The following LMAN1 variants were observed in gnomAD, a reference collection of about 807,000 sequenced individuals.
The protein encoded by LMAN1 is lectin, mannose binding 1, also known as protein ERGIC-53.
In LMAN1, 32 loss-of-function variants were observed where a neutral mutation model predicts 67.8. That is an observed-to-expected ratio of 0.47 (90% CI 0.36 to 0.63). The LOEUF (loss-of-function observed/expected upper bound fraction) is 0.63. LMAN1 is among the 30% of genes least tolerant of loss of function. LMAN1 has a pLI of 0.00. For missense variants in LMAN1, 632 were observed against 628.2 expected (o/e 1.01, Z -0.06); for synonymous variants, 235 against 219.3 (o/e 1.07, Z -0.63).
intron 7 of LMAN1, 36 bp downstream of exon 7, chr18:59,347,477 A>G (rs370781915): frequency 9.8e-6 from 15 of 1,532,440 alleles, no homozygotes; most frequent in African/African-American, 2.7e-5. Flanking sequence ...AGGCAAACTA[A>G]ACTGATAAAG....
chr18:59,337,095 T>C (rs551595487), intron 10 of LMAN1, among the ~76,000 whole-genome samples: 54 of 150,528 alleles, frequency 3.6e-4, no homozygotes, highest in African/African-American at 1.2e-3. Flanking sequence ...GAGATAGCAA[T>C]AGGAAACCAC....
chr18:59,348,779 G>A (rs1180334504), intron 6 of LMAN1, among the ~76,000 whole-genome samples: 1 of 152,198 alleles, frequency 6.6e-6, no homozygotes, highest in African/African-American at 2.4e-5. Flanking sequence ...TGCTATTTTA[G>A]TTAATTGTCA....
intron 1 of LMAN1, among the ~76,000 whole-genome samples, chr18:59,356,869 C>CTG (rs1908671389): frequency 6.6e-6 from 1 of 152,178 alleles, no homozygotes. Flanking sequence ...TGAAAGAACT[C>CTG]TGAGAGCTAT....
At chr18:59,345,897 T>G (rs765520545) in intron 8 of LMAN1, 22 bp downstream of exon 8, 5 of 1,613,740 alleles carry the variant, frequency 3.1e-6, no homozygotes, top group Non-Finnish European at 4.2e-6. Context: ...GCGGCACCCA[T>G]GTCAGCTTTG....
intron 1 of LMAN1, among the ~76,000 whole-genome samples, chr18:59,357,432 GA>G (rs1908684669): frequency 6.6e-6 from 1 of 152,108 alleles, no homozygotes; most frequent in Non-Finnish European, 1.5e-5. Flanking sequence ...GAAAATGTGT[GA>G]ACAAATCCAT....
chr18:59,332,633 C>A (rs777822188), intron 11 of LMAN1, among the ~76,000 whole-genome samples: 1 of 152,066 alleles, frequency 6.6e-6, no homozygotes, highest in Non-Finnish European at 1.5e-5. Context: ...TATGGGCCAA[C>A]CATATCCCAA....
chr18:59,354,781 C>G (rs1180145746), intron 3 of LMAN1, among the ~76,000 whole-genome samples: 1 of 152,148 alleles, frequency 6.6e-6, no homozygotes, highest in East Asian at 1.9e-4. Context: ...AAACAACCAG[C>G]TGATGGGAAG....
chr18:59,342,902 C>T (rs1243448228), intron 8 of LMAN1, among the ~76,000 whole-genome samples: 1 of 151,832 alleles, frequency 6.6e-6, no homozygotes, highest in Non-Finnish European at 1.5e-5. Context: ...TCTCAAAAAT[C>T]CTAATGACTC....
intron 10 of LMAN1, among the ~76,000 whole-genome samples, chr18:59,337,368 G>A (rs1603394154): frequency 6.6e-6 from 1 of 152,184 alleles, no homozygotes; most frequent in East Asian, 1.9e-4. Flanking sequence ...TGTAATGTGC[G>A]ATTGTGGATG....
intron 11 of LMAN1, among the ~76,000 whole-genome samples, chr18:59,332,797 TAA>T (rs1296014096): frequency 1.3e-5 from 2 of 149,290 alleles, no homozygotes; most frequent in African/African-American, 5.2e-5. Flanking sequence ...AAATACACTT[TAA>T]GCAATCCATG....
chr18:59,336,878 T>C (rs1908163576), intron 10 of LMAN1, among the ~76,000 whole-genome samples: 1 of 151,838 alleles, frequency 6.6e-6, no homozygotes, highest in Non-Finnish European at 1.5e-5. Flanking sequence ...AGCTAGACCC[T>C]GTCTCAAAAA....
Position 59,330,931 on chromosome 18 carries a change from G to A in LMAN1, c.*162C>T, listed in dbSNP as rs1243607058. 2 of 622,328 alleles carry A rather than the reference G, an allele frequency of 3.2e-6. No homozygotes were observed. Among genetic ancestry groups the A allele is most frequent in the Non-Finnish European group, 5.7e-6 (2 of 348,782 alleles). 38.6% of individuals were successfully genotyped at this position (622,328 alleles called of 1,614,324 possible). ...ACTGTGAACAAATTAAAATGTGGTTGTCTTTGCTTTAAGGTTTATTCTTAA... is the reference window on the plus strand; with the variant it reads ...ACTGTGAACAAATTAAAATGTGGTTATCTTTGCTTTAAGGTTTATTCTTAA... On this transcript the variant is annotated 3_prime_UTR_variant, in exon 13 of 13. Coordinates refer to ENST00000251047, the MANE Select transcript of LMAN1 (RefSeq NM_005570.4).
intron 8 of LMAN1, among the ~76,000 whole-genome samples, chr18:59,343,743 A>G (rs1468887610): frequency 3.3e-5 from 5 of 152,174 alleles, no homozygotes; most frequent in Non-Finnish European, 7.4e-5. Context: ...TGGCCTAGGT[A>G]AAGAACTTAG....
chr18:59,335,430 T>C (rs1212497007), intron 10 of LMAN1, among the ~76,000 whole-genome samples: 1 of 135,322 alleles, frequency 7.4e-6, no homozygotes, highest in African/African-American at 2.8e-5. Context: ...CAAAACTCCA[T>C]CTCAAAAGAA....
At chr18:59,347,970 G>T (rs7238741) in intron 6 of LMAN1, among the ~76,000 whole-genome samples, 2,015 of 152,324 alleles carry the variant, frequency 0.013, 50 homozygotes, top group African/African-American at 0.046. Context: ...CCAGACAAAT[G>T]AGAGAAAATC....
chr18:59,355,266 G>T, intron 3 of LMAN1, 47 bp downstream of exon 3: 1 of 1,372,812 alleles, frequency 7.3e-7, no homozygotes, highest in Non-Finnish European at 1.0e-6. Flanking sequence ...GCCTAACTCT[G>T]TTGATAGATG....
intron 7 of LMAN1, among the ~76,000 whole-genome samples, chr18:59,347,093 T>G (rs897900041): frequency 1.3e-5 from 2 of 151,026 alleles, no homozygotes; most frequent in African/African-American, 2.4e-5. Flanking sequence ...TAGCCGGGTG[T>G]GGTGGCGGAA....
Position 59,349,246 on chromosome 18 carries a change from C to T in LMAN1, c.640-10G>A, listed in dbSNP as rs769117267. 1 of 1,609,578 alleles carries T rather than the reference C, an allele frequency of 6.2e-7. No homozygotes were observed. The highest frequency in any genetic ancestry group is 8.5e-7 in the Non-Finnish European group (1 of 1,176,062). On this transcript the variant is annotated splice_polypyrimidine_tract_variant and intron_variant, in intron 5 of 12. Transcript: ENST00000251047. ...CATTATTGATCATTACCTAGAAAGACATATCATAGCTATAGCTTTTGCAAA... is the reference window on the plus strand; with the variant it reads ...CATTATTGATCATTACCTAGAAAGATATATCATAGCTATAGCTTTTGCAAA...
intron 5 of LMAN1, among the ~76,000 whole-genome samples, chr18:59,350,966 G>C (rs1455993153): frequency 1.3e-5 from 2 of 152,138 alleles, no homozygotes; most frequent in East Asian, 3.9e-4. Flanking sequence ...CATTGTTAAA[G>C]ACTACACTTG....
Sources: allele counts gnomAD v4.1 joint callset (sites outside exome capture counted in the v4.1 genomes callset), GRCh38; gene constraint gnomAD v4.1.1; transcripts MANE v1.5; gene names NCBI Gene and HGNC (gene_info 2026-07-23, HGNC 2026-07-21).